CEP63: variants seen among roughly 807,000 people sequenced by gnomAD.
CEP63 encodes the protein centrosomal protein 63.
A neutral mutation model predicts 89.1 loss-of-function variants in CEP63; 84 were observed. That is an observed-to-expected ratio of 0.94 (90% CI 0.79 to 1.13). The LOEUF (loss-of-function observed/expected upper bound fraction) is 1.13, where lower values mean the gene tolerates loss of function less well. CEP63 is among the 50% of genes most tolerant of loss of function. The pLI is 0.00. For missense variants in CEP63, 838 were observed against 813.3 expected (o/e 1.03, Z -0.37); for synonymous variants, 267 against 272.5 (o/e 0.98, Z 0.20).
intron 3 of CEP63, among the ~76,000 whole-genome samples, chr3:134,513,453 C>T (rs375579321): frequency 9.2e-5 from 14 of 152,078 alleles, no homozygotes; most frequent in Admixed American, 5.9e-4. Context: ...GTCCACTCAC[C>T]GAGGACAAAT....
the CEP63 span, among the ~76,000 whole-genome samples, chr3:134,746,217 G>A: frequency 6.6e-6 from 1 of 151,636 alleles, no homozygotes; most frequent in Non-Finnish European, 1.5e-5. Context: ...ATGGTTTCCA[G>A]CTTTATCCAT....
the CEP63 span, among the ~76,000 whole-genome samples, chr3:134,687,817 A>C: frequency 6.6e-5 from 10 of 152,164 alleles, no homozygotes; most frequent in South Asian, 6.2e-4. Context: ...TGCCCCCAGG[A>C]TGGGTCAGCC....
At chr3:134,514,897 C>T (rs931341028) in intron 3 of CEP63, among the ~76,000 whole-genome samples, 22 of 152,202 alleles carry the variant, frequency 1.4e-4, no homozygotes, top group East Asian at 1.9e-4. Context: ...TATAAAACAA[C>T]AATAATAGAT....
rs9758838 is a variant in CEP63, at chr3:134,555,855, C to A, written c.1468-2287C>A. ...AAAAGAACAAAGCTGGAGGCATCAC[C>A]CTACTTGACTTCAAACTATACTACA... On this transcript the variant is annotated intron_variant, in intron 12 of 14. Transcript: ENST00000675561. Among the ~76,000 whole-genome samples, 11 of 152,164 alleles carry A rather than the reference C, an allele frequency of 7.2e-5. 1 individual carries two copies. In the South Asian group the frequency reaches 1.0e-3, roughly 14 times the overall value.
chr3:134,755,241 AGCCCTG>A, the CEP63 span, among the ~76,000 whole-genome samples: 2 of 151,524 alleles, frequency 1.3e-5, no homozygotes, highest in Non-Finnish European at 2.9e-5. Context: ...CTGAGCCCTG[AGCCCTG>A]AGCCCTGAGC....
the CEP63 span, among the ~76,000 whole-genome samples, chr3:134,780,798 C>G: frequency 6.6e-6 from 1 of 152,090 alleles, no homozygotes; most frequent in Non-Finnish European, 1.5e-5. Flanking sequence ...TCAAGTGTAT[C>G]TGTATTTTCC....
At chr3:134,698,946 G>A in the CEP63 span, among the ~76,000 whole-genome samples, 2 of 152,176 alleles carry the variant, frequency 1.3e-5, no homozygotes, top group Non-Finnish European at 2.9e-5. Flanking sequence ...TTTTTCCAAA[G>A]TGGATGGTTC....
At chr3:134,534,955 C>G (rs1457024326) in intron 5 of CEP63, among the ~76,000 whole-genome samples, 1 of 152,112 alleles carries the variant, frequency 6.6e-6, no homozygotes, top group East Asian at 1.9e-4. Flanking sequence ...GCCCATGTAC[C>G]CTGCCTTCCT....
chr3:134,521,792 A>G (rs9289477), intron 3 of CEP63, among the ~76,000 whole-genome samples: 1 of 152,190 alleles, frequency 6.6e-6, no homozygotes, highest in African/African-American at 2.4e-5. Flanking sequence ...TTGAAGCGCT[A>G]ATTTCTCCCT....
chr3:134,744,027 C>T, the CEP63 span, among the ~76,000 whole-genome samples: 1 of 152,166 alleles, frequency 6.6e-6, no homozygotes. Context: ...ACCTCTAGGT[C>T]TCTGTGGAGT....
chr3:134,752,460 C>T, the CEP63 span, among the ~76,000 whole-genome samples: 9,784 of 152,192 alleles, frequency 0.064, 1,088 homozygotes, highest in African/African-American at 0.22. Flanking sequence ...GTTCCAGCCT[C>T]ATTTCTCCTG....
chr3:134,705,258 G>T, the CEP63 span, among the ~76,000 whole-genome samples: 1 of 152,170 alleles, frequency 6.6e-6, no homozygotes, highest in Non-Finnish European at 1.5e-5. Flanking sequence ...TCTAGGGAGG[G>T]TTTTTGTGCT....
At chr3:134,625,488 G>A in the CEP63 span, among the ~76,000 whole-genome samples, 216 of 152,326 alleles carry the variant, frequency 1.4e-3, 4 homozygotes, top group Admixed American at 3.1e-3. Flanking sequence ...TTGGTTTTCC[G>A]TGGATTCCCT....
At chr3:134,584,030 T>C (rs1358668319) in intron 10 of CEP63, among the ~76,000 whole-genome samples, 1 of 152,220 alleles carries the variant, frequency 6.6e-6, no homozygotes, top group Non-Finnish European at 1.5e-5. Flanking sequence ...TGATTTTGTA[T>C]CCTGAGACTT....
At chr3:134,649,669 T>C in the CEP63 span, among the ~76,000 whole-genome samples, 1 of 152,212 alleles carries the variant, frequency 6.6e-6, no homozygotes, top group Admixed American at 6.5e-5. Flanking sequence ...CCTGTCAACA[T>C]ACTCAGCCCT....
At chr3:134,733,634 G>A in the CEP63 span, among the ~76,000 whole-genome samples, 11 of 152,148 alleles carry the variant, frequency 7.2e-5, no homozygotes, top group East Asian at 3.9e-4. Context: ...GGGGGAGAAC[G>A]CCATGTGCCA....
chr3:134,620,034 G>A, the CEP63 span: 1 of 152,270 alleles, frequency 6.6e-6, no homozygotes, highest in East Asian at 1.9e-4. Context: ...GCAGCAGGTC[G>A]AGAAAGACCC....
the CEP63 span, among the ~76,000 whole-genome samples, chr3:134,775,750 G>T: frequency 6.6e-6 from 1 of 152,084 alleles, no homozygotes; most frequent in Non-Finnish European, 1.5e-5. Context: ...GTTCCTATTT[G>T]TCCATCCGAT....
intron 3 of CEP63, among the ~76,000 whole-genome samples, chr3:134,519,083 T>C (rs910508275): frequency 6.0e-5 from 9 of 150,846 alleles, no homozygotes; most frequent in Admixed American, 2.0e-4. Flanking sequence ...AAGCACAGCA[T>C]ACAAGAAAGG....
Sources: allele counts gnomAD v4.1 joint callset (sites outside exome capture counted in the v4.1 genomes callset), GRCh38; gene constraint gnomAD v4.1.1; transcripts MANE v1.5; gene names NCBI Gene and HGNC (gene_info 2026-07-23, HGNC 2026-07-21).